Variants in SUV39H2 observed in about 807,000 individuals in gnomAD.
SUV39H2 encodes the protein SUV39H2 histone lysine methyltransferase, also known as histone-lysine N-methyltransferase SUV39H2.
A neutral mutation model predicts 47.5 loss-of-function variants in SUV39H2; 10 were observed. The ratio of observed to expected loss-of-function variants is 0.21; its 90% CI spans 0.13 to 0.36. SUV39H2 has a LOEUF of 0.36. Ranked by LOEUF, SUV39H2 falls within the 10% of genes least tolerant of loss-of-function variation. The pLI is 1.00. For synonymous variants in SUV39H2, 159 were observed against 166.8 expected, an observed-to-expected ratio of 0.95 and a Z score of 0.36; for missense variants, 266 against 487.4, an observed-to-expected ratio of 0.55 and a Z score of 4.28.
At position 14,899,800 on chromosome 10, in the gene SUV39H2, T is replaced by C. The variant is rs188371957; in HGVS notation, c.996+115T>C. On this transcript the variant is annotated intron_variant, in intron 4 of 5. Coordinates refer to ENST00000354919, the MANE Select transcript of SUV39H2 (RefSeq NM_001193424.2). The stretch of plus-strand genomic sequence containing the variant: ...ATATCCTTTTAACATTTCCAAAATA[T>C]GTATTTTATAAGGAGGGCAGCTTCT... 2,923 of 1,289,990 alleles carry C rather than the reference T, an allele frequency of 2.3e-3. 6 individuals carry two copies. Among genetic ancestry groups the C allele is most frequent in the Non-Finnish European group, 2.8e-3 (2,672 of 952,064 alleles). The allele number at this position is 1,289,990 out of a possible 1,614,324, so 79.9% of individuals were successfully genotyped here.
At chr10:14,887,570 T>C (rs942953308) in intron 2 of SUV39H2, among the ~76,000 whole-genome samples, 3 of 152,138 alleles carry the variant, frequency 2.0e-5, no homozygotes, top group Non-Finnish European at 2.9e-5. Flanking sequence ...ACTAGAAACA[T>C]AGATCCTAAA....
intron 2 of SUV39H2, among the ~76,000 whole-genome samples, chr10:14,890,847 G>A (rs915112568): frequency 4.3e-4 from 66 of 152,218 alleles, no homozygotes; most frequent in African/African-American, 1.5e-3. Flanking sequence ...TTGAGAAACC[G>A]TGAATTGCTA....
At chr10:14,899,254 AG>A in intron 3 of SUV39H2, 2 of 702,224 alleles carry the variant, frequency 2.8e-6, no homozygotes, top group Non-Finnish European at 5.2e-6. Context: ...CAGGAGTTAA[AG>A]GATACAGGGA....
intron 1 of SUV39H2, among the ~76,000 whole-genome samples, chr10:14,880,526 A>T (rs1264272878): frequency 1.3e-5 from 2 of 152,232 alleles, no homozygotes; most frequent in Non-Finnish European, 2.9e-5. Flanking sequence ...CTAAAGTCAC[A>T]TAGCTCGGTG....
At chr10:14,883,374 A>G (rs1262687672) in intron 2 of SUV39H2, among the ~76,000 whole-genome samples, 1 of 152,026 alleles carries the variant, frequency 6.6e-6, no homozygotes, top group Non-Finnish European at 1.5e-5. Flanking sequence ...TATAATTCAC[A>G]TGCTATCATA....
At position 14,898,957 on chromosome 10, in the gene SUV39H2, A is replaced by G. The variant is rs559362123; in HGVS notation, c.850-582A>G. Reference sequence around the variant, plus strand: ...ATTCAGTTGTGTCCTGTAGAGAGCTATAGTTGTATAGCTTTTTGAACATCC... The same window carrying G: ...ATTCAGTTGTGTCCTGTAGAGAGCTGTAGTTGTATAGCTTTTTGAACATCC... On this transcript the variant is annotated intron_variant, in intron 3 of 5. Transcript: ENST00000354919. The G allele has an allele frequency of 4.2e-3, 1,886 of 447,794 alleles. 22 individuals are homozygous for G. Among genetic ancestry groups the G allele is most frequent in the South Asian group, 0.035 (651 of 18,610 alleles). The allele number at this position is 447,794 out of a possible 1,614,324, so 27.7% of individuals were successfully genotyped here. A position where few individuals can be genotyped will look rare whatever the true frequency, so the allele number is the denominator to read the frequency against.
chr10:14,879,203 C>A, intron 1 of SUV39H2: 2 of 1,035,238 alleles, frequency 1.9e-6, no homozygotes, highest in Non-Finnish European at 2.4e-6. Context: ...GCCCCCTCCG[C>A]GTCTCCCGTG....
At chr10:14,892,986 GCTAAT>G (rs1564339237) in intron 2 of SUV39H2, among the ~76,000 whole-genome samples, 1 of 148,536 alleles carries the variant, frequency 6.7e-6, no homozygotes, top group Non-Finnish European at 1.5e-5. Flanking sequence ...ACCATGCCGA[GCTAAT>G]TTTTTGTATT....
Position 14,897,525 on chromosome 10 carries a change from T to C in SUV39H2, c.849+8T>C. On this transcript the variant is annotated splice_region_variant and intron_variant, in intron 3 of 5. Coordinates refer to ENST00000354919, the MANE Select transcript of SUV39H2 (RefSeq NM_001193424.2). ...ATGGAATATGTTGGAGAGGTATGTT[T>C]CATTTGCCACGTAGTAAATGATGGA... 1.3e-6 allele frequency: 2 copies of C among 1,514,676 alleles called. No homozygotes were observed. Among genetic ancestry groups the C allele is most frequent in the Middle Eastern group, 1.8e-4 (1 of 5,632 alleles). The allele number at this position is 1,514,676 out of a possible 1,614,324, so 93.8% of individuals were successfully genotyped here.
At chr10:14,897,580 C>A in intron 3 of SUV39H2, 63 bp downstream of exon 3, 1 of 1,341,908 alleles carries the variant, frequency 7.5e-7, no homozygotes. Flanking sequence ...TGGAAAATTA[C>A]CTTTTTATCT....
rs1407956208 is a variant in SUV39H2 at position 14,899,521 on chromosome 10, AC to A, written c.850-17del. Reference sequence around the variant, plus strand: ...GGTTCAGTAGCTACGTAATATACTTACAGTTTTTTCTGTTTAGGTAATCACA... The same window carrying A: ...GGTTCAGTAGCTACGTAATATACTTAAGTTTTTTCTGTTTAGGTAATCACA... On this transcript the variant is annotated splice_polypyrimidine_tract_variant and intron_variant, in intron 3 of 5. Coordinates refer to ENST00000354919, the MANE Select transcript of SUV39H2 (RefSeq NM_001193424.2). 1 of 1,612,948 alleles carries A rather than the reference AC, an allele frequency of 6.2e-7. No individual in the cohort carries two copies. The highest frequency in any genetic ancestry group is 8.5e-7 in the Non-Finnish European group (1 of 1,179,710).
chr10:14,881,378 C>T (rs771048143), intron 1 of SUV39H2, 122 bp from the exon 2 acceptor site: 5 of 804,884 alleles, frequency 6.2e-6, no homozygotes, highest in Admixed American at 8.7e-5. Context: ...GGTTTCTTGT[C>T]ATAGGAATTT....
intron 2 of SUV39H2, among the ~76,000 whole-genome samples, chr10:14,896,331 A>G (rs1833606821): frequency 6.6e-6 from 1 of 152,178 alleles, no homozygotes; most frequent in Non-Finnish European, 1.5e-5. Flanking sequence ...TAATAACCGT[A>G]TTGGATAGTT....
At chr10:14,882,295 A>G (rs1219292878) in intron 2 of SUV39H2, among the ~76,000 whole-genome samples, 1 of 152,254 alleles carries the variant, frequency 6.6e-6, no homozygotes, top group Non-Finnish European at 1.5e-5. Context: ...TGTTTTGGTC[A>G]TTAATCTACC....
intron 2 of SUV39H2, among the ~76,000 whole-genome samples, chr10:14,890,770 CAT>C (rs758617333): frequency 6.6e-6 from 1 of 152,166 alleles, no homozygotes; most frequent in African/African-American, 2.4e-5. Flanking sequence ...TTTGTCTTCT[CAT>C]ATGTTTCTTT....
At chr10:14,891,631 A>T (rs1833392704) in intron 2 of SUV39H2, among the ~76,000 whole-genome samples, 1 of 152,192 alleles carries the variant, frequency 6.6e-6, no homozygotes, top group South Asian at 2.1e-4. Flanking sequence ...GTCCATCTCT[A>T]AAGAAACTTA....
chr10:14,881,426 G>A, intron 1 of SUV39H2, 74 bp from the exon 2 acceptor site: 1 of 1,243,756 alleles, frequency 8.0e-7, no homozygotes, highest in Non-Finnish European at 1.0e-6. Flanking sequence ...GGGGAATAGA[G>A]GTTTTAAGTT....
chr10:14,892,755 T>C (rs900324591), intron 2 of SUV39H2, among the ~76,000 whole-genome samples: 1 of 152,144 alleles, frequency 6.6e-6, no homozygotes, highest in Admixed American at 6.5e-5. Flanking sequence ...CATATACTTA[T>C]TATAGATCCT....
chr10:14,899,645 C>T lies in SUV39H2; in HGVS notation c.956C>T (p.Ala319Val). The change falls in exon 4 of 6, where the codon GCG becomes GTG. Residue 319 changes from alanine (A) to valine (V), a missense_variant. Physicochemically the swap from Ala to Val is moderately conservative, Grantham distance 64. Around this residue, in one of 4 missense-constraint regions of SUV39H2, gnomAD observed 112 missense variants for 271.9 expected, o/e 0.41. Coordinates refer to ENST00000354919, the MANE Select transcript of SUV39H2 (RefSeq NM_001193424.2). ...GAGTCTGATGAATTCACAGTGGATG[C>T]GGCTCGATACGGCAATGTGTCTCAT... ...DYESDEFTVD[A>V]ARYGNVSHFV... is the part of the protein sequence containing the mutation. The T allele has an allele frequency of 6.2e-7, 1 of 1,613,936 alleles. No individual in the cohort carries two copies. Among genetic ancestry groups the T allele is most frequent in the Non-Finnish European group, 8.5e-7 (1 of 1,179,952 alleles).
Sources: allele counts gnomAD v4.1 joint callset (sites outside exome capture counted in the v4.1 genomes callset), GRCh38; gene constraint gnomAD v4.1.1; regional missense constraint gnomAD v4.1.1; transcripts MANE v1.5; gene names NCBI Gene and HGNC (gene_info 2026-07-23, HGNC 2026-07-21).